The following MAP2K6 variants were observed in gnomAD, a reference collection of about 807,000 sequenced individuals.
MAP2K6 encodes dual specificity mitogen-activated protein kinase kinase 6.
In MAP2K6, 16 loss-of-function variants were observed where a neutral mutation model predicts 53.7. The observed-to-expected ratio is 0.30, with a 90% CI of 0.20 to 0.45. The LOEUF (loss-of-function observed/expected upper bound fraction) is 0.45, where lower values mean the gene tolerates loss of function less well. MAP2K6 is among the 20% of genes least tolerant of loss of function. MAP2K6 has a pLI of 1.00. For missense variants in MAP2K6, 204 were observed against 411.9 expected (o/e 0.50, Z 4.37); for synonymous variants, 132 against 143.1 (o/e 0.92, Z 0.55).
rs1170699478 is a variant in MAP2K6 at position 69,433,278 on chromosome 17, G to A, written c.16+18278G>A. On this transcript the variant is annotated intron_variant, in intron 1 of 11. Transcript: ENST00000590474. Reference sequence around the variant, plus strand: ...TTATGTAACTGGAAAGGCCAAGGTAGCGGTAAGCCAAGTGTGGAACACAGA... The same window carrying A: ...TTATGTAACTGGAAAGGCCAAGGTAACGGTAAGCCAAGTGTGGAACACAGA... 2.0e-5 allele frequency: 3 copies of A among 152,264 alleles called. No homozygotes were observed. The East Asian group carries it at 5.8e-4, about 29-fold the overall frequency. The allele number at this position is 152,264 out of a possible 1,614,324, so 9.4% of individuals were successfully genotyped here.
At position 69,444,285 on chromosome 17, in the gene MAP2K6, G is replaced by A. The variant is rs562570289; in HGVS notation, c.16+29285G>A. Among the ~76,000 whole-genome samples the A allele has an allele frequency of 3.7e-4, 57 of 152,302 alleles. 1 individual carries two copies. The South Asian group carries it at 0.011, about 28-fold the overall frequency. ...AGGAGGTTTAGTGGCACCTCACTGG[G>A]AGGTTTTAGGATAGAGCAGGGTACT... On this transcript the variant is annotated intron_variant, in intron 1 of 11. Transcript: ENST00000590474.
intron 9 of MAP2K6, among the ~76,000 whole-genome samples, chr17:69,525,893 A>T (rs1387206924): frequency 6.6e-6 from 1 of 152,226 alleles, no homozygotes; most frequent in East Asian, 1.9e-4. Context: ...CCCTAAAGTT[A>T]TATGATTTAT....
intron 11 of MAP2K6, among the ~76,000 whole-genome samples, chr17:69,537,861 A>G (rs1260944127): frequency 6.6e-6 from 1 of 152,134 alleles, no homozygotes; most frequent in Non-Finnish European, 1.5e-5. Context: ...TTTCTTCCCG[A>G]TTATTTTTTA....
intron 1 of MAP2K6, among the ~76,000 whole-genome samples, chr17:69,466,871 G>T (rs187206672): frequency 6.6e-6 from 1 of 152,166 alleles, no homozygotes; most frequent in African/African-American, 2.4e-5. Flanking sequence ...TGGGCTGATG[G>T]TGGAGGCTCC....
At position 69,548,701 on chromosome 17, in the gene MAP2K6, A is replaced by C. The variant is rs1911973805; in HGVS notation, c.*6948A>C. 6.6e-6 allele frequency: 1 copy of C among 152,194 alleles called. No homozygotes were observed. The highest frequency in any genetic ancestry group is 6.5e-5 in the Admixed American group (1 of 15,276). The allele number at this position is 152,194 out of a possible 1,614,324, so 9.4% of individuals were successfully genotyped here. A position where few individuals can be genotyped will look rare whatever the true frequency, so the allele number is the denominator to read the frequency against. On this transcript the variant is annotated 3_prime_UTR_variant, in exon 12 of 12. Transcript: ENST00000590474. ...TTCCAGGGGAAGCACATTGCCACCA[A>C]ATACATCACTCACTACCTGTTCCTG...
intron 1 of MAP2K6, among the ~76,000 whole-genome samples, chr17:69,501,070 A>C (rs1909152018): frequency 6.6e-6 from 1 of 152,212 alleles, no homozygotes; most frequent in Non-Finnish European, 1.5e-5. Flanking sequence ...CCTAGATGCA[A>C]GTAGTAAGGA....
rs1598289768 is a variant in MAP2K6 at position 69,495,455 on chromosome 17, C to T, written c.17-10325C>T. ...TTCACCATGTTGGCCAGGGTGGTCT[C>T]AAACTCCAGACCTCAGGTGATCCAC... On this transcript the variant is annotated intron_variant, in intron 1 of 11. Transcript: ENST00000590474. Among the ~76,000 whole-genome samples the T allele has an allele frequency of 5.3e-5, 8 of 152,210 alleles. No homozygotes were observed. The South Asian group carries it at 1.2e-3, about 24-fold the overall frequency.
At chr17:69,541,328 G>T (rs1911618608) in intron 11 of MAP2K6, among the ~76,000 whole-genome samples, 1 of 152,168 alleles carries the variant, frequency 6.6e-6, no homozygotes, top group Non-Finnish European at 1.5e-5. Flanking sequence ...AGCCTAAAAT[G>T]ACCTTGTGGG....
intron 9 of MAP2K6, among the ~76,000 whole-genome samples, 162 bp from the exon 10 acceptor site, chr17:69,526,408 G>A (rs1184186884): frequency 6.6e-6 from 1 of 152,168 alleles, no homozygotes; most frequent in Non-Finnish European, 1.5e-5. Flanking sequence ...GGGGAAAATT[G>A]CTAGAGAACA....
intron 1 of MAP2K6, among the ~76,000 whole-genome samples, chr17:69,484,062 G>A (rs910332382): frequency 1.3e-5 from 2 of 151,970 alleles, no homozygotes; most frequent in Admixed American, 1.3e-4. Flanking sequence ...TAGCAAAACC[G>A]TAAGCACCTA....
chr17:69,501,310 T>C (rs897841729), intron 1 of MAP2K6, among the ~76,000 whole-genome samples: 10 of 152,204 alleles, frequency 6.6e-5, no homozygotes, highest in Admixed American at 6.5e-5. Flanking sequence ...CGCGTGGGCT[T>C]CTCATGCTGT....
intron 1 of MAP2K6, among the ~76,000 whole-genome samples, chr17:69,487,180 T>C (rs1158158649): frequency 6.6e-6 from 1 of 152,188 alleles, no homozygotes; most frequent in African/African-American, 2.4e-5. Flanking sequence ...CTGACATAGT[T>C]CAGCAATAAT....
At chr17:69,435,961 C>T (rs1034961186) in intron 1 of MAP2K6, among the ~76,000 whole-genome samples, 1 of 151,702 alleles carries the variant, frequency 6.6e-6, no homozygotes, top group Admixed American at 6.6e-5. Context: ...AGCCACTGTG[C>T]CCAGCCGAAA....
chr17:69,464,482 C>T (rs546400628), intron 1 of MAP2K6, among the ~76,000 whole-genome samples: 7 of 152,104 alleles, frequency 4.6e-5, no homozygotes, highest in Admixed American at 1.3e-4. Flanking sequence ...CCCAGGTTCA[C>T]GTGATTCTTC....
At chr17:69,518,463 G>A (rs1910288669) in intron 4 of MAP2K6, among the ~76,000 whole-genome samples, 1 of 152,144 alleles carries the variant, frequency 6.6e-6, no homozygotes, top group African/African-American at 2.4e-5. Flanking sequence ...GTGGAAAAAG[G>A]AGGGTAAAAT....
intron 1 of MAP2K6, among the ~76,000 whole-genome samples, chr17:69,426,584 A>C (rs2145132536): frequency 6.6e-6 from 1 of 152,338 alleles, no homozygotes; most frequent in Admixed American, 6.5e-5. Context: ...TCTAAACTGG[A>C]ATCCTAGATT....
At chr17:69,513,620 T>G (rs1461793694) in intron 2 of MAP2K6, among the ~76,000 whole-genome samples, 1 of 151,482 alleles carries the variant, frequency 6.6e-6, no homozygotes, top group Admixed American at 6.6e-5. Context: ...GAGGATGCCG[T>G]TGTTTATTTT....
chr17:69,526,816 C>G (rs1423098137), intron 10 of MAP2K6, 107 bp downstream of exon 10: 5 of 1,361,622 alleles, frequency 3.7e-6, no homozygotes, highest in Non-Finnish European at 4.9e-6. Context: ...ATTCCGAAAG[C>G]ATTTGTGGAG....
chr17:69,431,557 C>T (rs1443165123), intron 1 of MAP2K6, among the ~76,000 whole-genome samples: 1 of 152,016 alleles, frequency 6.6e-6, no homozygotes, highest in Non-Finnish European at 1.5e-5. Flanking sequence ...TTTGTTTTAC[C>T]TTAAGTAAGA....
Sources: allele counts gnomAD v4.1 joint callset (sites outside exome capture counted in the v4.1 genomes callset), GRCh38; gene constraint gnomAD v4.1.1; transcripts MANE v1.5; gene names NCBI Gene and HGNC (gene_info 2026-07-23, HGNC 2026-07-21).